Variants in FRMPD1 observed in about 807,000 individuals in gnomAD.
The protein encoded by FRMPD1 is FERM and PDZ domain containing 1, also known as FERM and PDZ domain-containing protein 1.
FRMPD1 carries 76 observed loss-of-function variants against 117.8 expected under a neutral mutation model. That is an observed-to-expected ratio of 0.65 (90% confidence interval 0.54 to 0.78). The LOEUF (loss-of-function observed/expected upper bound fraction) is 0.78, where lower values mean the gene tolerates loss of function less well. Ranked by LOEUF, FRMPD1 falls within the 30% of genes least tolerant of loss-of-function variation. The probability of loss-of-function intolerance (pLI) is 0.00; values close to 1 mark genes in which losing one functional copy is unlikely to be tolerated. For missense variants in FRMPD1, 1,786 were observed against 1,964.5 expected (o/e 0.91, Z 1.72); for synonymous variants, 783 against 770.4 (o/e 1.02, Z -0.27).
At chr9:37,614,865 A>C in the FRMPD1 span, among the ~76,000 whole-genome samples, 1 of 152,224 alleles carries the variant, frequency 6.6e-6, no homozygotes, top group African/African-American at 2.4e-5. Context: ...TCCAATGGCT[A>C]ATGGATTTAT....
At chr9:37,627,492 A>G in the FRMPD1 span, among the ~76,000 whole-genome samples, 1 of 152,176 alleles carries the variant, frequency 6.6e-6, no homozygotes, top group Non-Finnish European at 1.5e-5. Flanking sequence ...TTTTTGAGAC[A>G]GTGCTAAACC....
chr9:37,730,206 T>C (rs1158529014), intron 8 of FRMPD1, among the ~76,000 whole-genome samples: 1 of 152,226 alleles, frequency 6.6e-6, no homozygotes, highest in Admixed American at 6.5e-5. Flanking sequence ...TTTGAGCCAT[T>C]AGGGAAGCAT....
Position 37,675,196 on chromosome 9 carries a change from T to C in FRMPD1, c.-4-17442T>C, listed in dbSNP as rs534924065. ...TCAGCACTTTGGGAGGCTGAGGTGG[T>C]TGGATCACTCTAAGTCAGGAGTTTG... is the stretch of plus-strand genomic sequence containing the variant. On this transcript the variant is annotated intron_variant, in intron 1 of 15. Transcript: ENST00000377765. Among the ~76,000 whole-genome samples the C allele has an allele frequency of 7.2e-5, 11 of 152,078 alleles. No individual in the cohort carries two copies. The South Asian group carries it at 2.3e-3, about 32-fold the overall frequency.
chr9:37,611,082 A>T, the FRMPD1 span, among the ~76,000 whole-genome samples: 14 of 152,344 alleles, frequency 9.2e-5, no homozygotes, highest in South Asian at 2.3e-3. Context: ...CGTTTGTAGG[A>T]TAACTTCCTA....
At chr9:37,623,641 T>A in the FRMPD1 span, among the ~76,000 whole-genome samples, 3 of 151,776 alleles carry the variant, frequency 2.0e-5, no homozygotes, top group African/African-American at 7.3e-5. Flanking sequence ...GGCCAAGGAG[T>A]TTGAACCCTA....
chr9:37,621,803 G>C, the FRMPD1 span, among the ~76,000 whole-genome samples: 1 of 152,188 alleles, frequency 6.6e-6, no homozygotes, highest in Non-Finnish European at 1.5e-5. Flanking sequence ...GGCCCCAGCA[G>C]ATGAGACAGC....
At chr9:37,673,488 A>T (rs1821424660) in intron 1 of FRMPD1, among the ~76,000 whole-genome samples, 1 of 152,052 alleles carries the variant, frequency 6.6e-6, no homozygotes, top group African/African-American at 2.4e-5. Context: ...CTGTTGGTGG[A>T]TCTACCATTC....
upstream of FRMPD1, among the ~76,000 whole-genome samples, chr9:37,649,274 G>A (rs1326833741): frequency 6.6e-6 from 1 of 152,182 alleles, no homozygotes; most frequent in Non-Finnish European, 1.5e-5. Flanking sequence ...GAAAATTGTA[G>A]ATTCACATGC....
At chr9:37,636,783 T>C in the FRMPD1 span, 5 of 1,609,812 alleles carry the variant, frequency 3.1e-6, no homozygotes, top group African/African-American at 2.7e-5. Context: ...CCCATCTGCT[T>C]TTTGATCTCA....
intron 1 of FRMPD1, among the ~76,000 whole-genome samples, chr9:37,662,408 A>G (rs1027318906): frequency 3.3e-5 from 5 of 152,146 alleles, no homozygotes; most frequent in Admixed American, 6.5e-5. Flanking sequence ...TTGGAAAGTG[A>G]TGTTCTAGGC....
the FRMPD1 span, among the ~76,000 whole-genome samples, chr9:37,617,209 A>G: frequency 6.7e-6 from 1 of 149,670 alleles, no homozygotes; most frequent in Non-Finnish European, 1.5e-5. Flanking sequence ...TGCAGAACTA[A>G]ACTTTTTTCC....
At chr9:37,618,627 C>A in the FRMPD1 span, among the ~76,000 whole-genome samples, 1 of 152,124 alleles carries the variant, frequency 6.6e-6, no homozygotes, top group African/African-American at 2.4e-5. Context: ...CCAAATTAAC[C>A]TTTCCAGGTT....
the FRMPD1 span, among the ~76,000 whole-genome samples, chr9:37,623,924 G>A: frequency 3.5e-4 from 54 of 152,276 alleles, no homozygotes; most frequent in African/African-American, 1.3e-3. Flanking sequence ...GGCTCACTAC[G>A]TTCCTCGGGG....
intron 4 of FRMPD1, among the ~76,000 whole-genome samples, chr9:37,709,009 GA>G (rs1245295893): frequency 6.6e-6 from 1 of 152,134 alleles, no homozygotes; most frequent in African/African-American, 2.4e-5. Flanking sequence ...TGTGACTTAT[GA>G]AAATGCCTCG....
At chr9:37,648,601 G>T (rs887621196), upstream of FRMPD1, among the ~76,000 whole-genome samples, 2 of 152,168 alleles carry the variant, frequency 1.3e-5, no homozygotes, top group African/African-American at 4.8e-5. Context: ...GGCAGGATGA[G>T]GGGGAGGAGA....
chr9:37,667,843 G>A (rs185520313), intron 1 of FRMPD1, among the ~76,000 whole-genome samples: 1 of 152,156 alleles, frequency 6.6e-6, no homozygotes, highest in African/African-American at 2.4e-5. Flanking sequence ...ATCATCTCCT[G>A]CTCTACCTGT....
the FRMPD1 span, chr9:37,636,742 G>A: frequency 1.9e-6 from 3 of 1,591,712 alleles, no homozygotes; most frequent in Admixed American, 5.7e-5. Flanking sequence ...TCTTGAGATT[G>A]GGCCGCTCGC....
At chr9:37,633,435 TTTC>T in the FRMPD1 span, among the ~76,000 whole-genome samples, 2 of 152,272 alleles carry the variant, frequency 1.3e-5, no homozygotes, top group Non-Finnish European at 2.9e-5. Context: ...GAAAGTTCTT[TTTC>T]TTAAGCCCTC....
Position 37,733,574 on chromosome 9 carries a change from A to C in FRMPD1, c.1097A>C (p.Gln366Pro), listed in dbSNP as rs1016533181. 1.1e-5 allele frequency: 17 copies of C among 1,613,992 alleles called. No homozygotes were observed. Among genetic ancestry groups the C allele is most frequent in the Non-Finnish European group, 1.4e-5 (17 of 1,179,970 alleles). Residue 366 changes from glutamine to proline, a missense_variant, in exon 11 of 16, where the codon CAG becomes CCG. Coordinates refer to ENST00000377765, the MANE Select transcript of FRMPD1 (RefSeq NM_014907.3). The stretch of plus-strand genomic sequence containing the variant: ...ATTAGCTTCCACATGAAGAGGAACC[A>C]GAATTTGCTGGAACCCCGACAGAAG... ...KAISFHMKRN[Q>P]NLLEPRQKQL...
Sources: gnomAD v4.1 joint callset for allele counts (sites outside exome capture counted in the v4.1 genomes callset) on GRCh38, gnomAD v4.1.1 for gene constraint, MANE v1.5 for transcripts, NCBI Gene and HGNC (gene_info 2026-07-23, HGNC 2026-07-21) for gene names.